Variants in PTH2R observed in about 807,000 individuals in gnomAD.
The protein encoded by PTH2R is PTH2 receptor.
Under a neutral mutation model 60.3 loss-of-function variants are expected in PTH2R, and 59 were observed. That is an observed-to-expected ratio of 0.98 (90% CI 0.79 to 1.22). PTH2R has a LOEUF of 1.22. Among genes scored for constraint, PTH2R ranks in the 50% most tolerant of loss-of-function variants. PTH2R has a pLI of 0.00. For missense variants in PTH2R, 749 were observed against 682.6 expected (o/e 1.10, Z -1.08); for synonymous variants, 256 against 243.8 (o/e 1.05, Z -0.47).
At chr2:208,411,871 A>G (rs895113831) in intron 1 of PTH2R, among the ~76,000 whole-genome samples, 2 of 152,228 alleles carry the variant, frequency 1.3e-5, no homozygotes, top group Non-Finnish European at 2.9e-5. Context: ...AATTAAACAT[A>G]TACAAACAAA....
At chr2:208,360,359 C>G (rs1352223655) in intron 1 of PTH2R, 3 of 307,944 alleles carry the variant, frequency 9.7e-6, no homozygotes, top group East Asian at 8.5e-5. Flanking sequence ...CCCCTCGGGG[C>G]CCCTTCCCTG....
intron 1 of PTH2R, among the ~76,000 whole-genome samples, chr2:208,412,608 A>G (rs1403804915): frequency 6.6e-6 from 1 of 152,216 alleles, no homozygotes; most frequent in Non-Finnish European, 1.5e-5. Context: ...CTGTGTGAGG[A>G]CACTGTACTG....
chr2:208,398,157 C>A (rs1341120026), intron 1 of PTH2R, among the ~76,000 whole-genome samples: 3 of 151,880 alleles, frequency 2.0e-5, no homozygotes, highest in African/African-American at 7.3e-5. Flanking sequence ...AATTTGTCAC[C>A]CTAGGCATTT....
Position 208,443,361 on chromosome 2 carries a change from A to C in PTH2R, c.523A>C (p.Thr175Pro), listed in dbSNP as rs1702224800. 1 of 1,587,814 alleles carries C rather than the reference A, an allele frequency of 6.3e-7. No homozygotes were observed. Among genetic ancestry groups the C allele is most frequent in the East Asian group, 2.3e-5 (1 of 43,928 alleles). The change falls in exon 6 of 13, where the codon ACT (threonine) becomes CCT (proline). Residue 175 changes from threonine (T) to proline (P), a missense_variant. Physicochemically the swap from Thr to Pro is conservative, Grantham distance 38 (BLOSUM62 -1). Transcript: ENST00000272847. ...IIGYFRRLHC[T>P]RNYIHMHLFV... ...TTCTCTCCGTAGACGATTGCATTGC[A>C]CTAGGAACTATATCCACATGCACTT...
intron 10 of PTH2R, among the ~76,000 whole-genome samples, chr2:208,485,731 T>C (rs1272760449): frequency 6.6e-6 from 1 of 152,202 alleles, no homozygotes. Context: ...CATGGGTGTA[T>C]AAGCCTTGTA....
intron 1 of PTH2R, among the ~76,000 whole-genome samples, chr2:208,421,865 T>A (rs543048445): frequency 4.6e-5 from 7 of 152,284 alleles, no homozygotes; most frequent in Admixed American, 2.0e-4. Context: ...AATTCCTTCT[T>A]ATAGACCAGC....
Position 208,396,520 on chromosome 2 carries a change from T to G in PTH2R, c.-258-31681T>G, listed in dbSNP as rs1044299078. Among the ~76,000 whole-genome samples the G allele has an allele frequency of 3.9e-5, 6 of 152,206 alleles. No individual in the cohort carries two copies. In the South Asian group the frequency reaches 1.0e-3, roughly 26 times the overall value. On this transcript the variant is annotated intron_variant, in intron 1 of 12. Transcript: ENST00000617735. ...GTATATGAACAGACACTTCTCAAAATAAGACATTTATGCACCCAACAGACA... is the reference window on the plus strand; with the variant it reads ...GTATATGAACAGACACTTCTCAAAAGAAGACATTTATGCACCCAACAGACA...
At chr2:208,491,091 G>A (rs1233698300) in intron 12 of PTH2R, among the ~76,000 whole-genome samples, 1 of 152,096 alleles carries the variant, frequency 6.6e-6, no homozygotes, top group Non-Finnish European at 1.5e-5. Context: ...GACAATTTTA[G>A]TTCATTTAGG....
In PTH2R at chr2:208,468,834, T is replaced by A. The variant is rs552489711; in HGVS notation, c.981+8873T>A. 4.3e-4 allele frequency among the ~76,000 whole-genome samples: 65 copies of A among 152,302 alleles called. No individual in the cohort carries two copies. The South Asian group carries it at 0.013, about 30-fold the overall frequency. On this transcript the variant is annotated intron_variant, in intron 9 of 12. Transcript: ENST00000272847. ...AAGGTTTATGTAAACAAGAACCATTTTTTTTCTAAACTTATGATACCTAGA... is the reference window on the plus strand; with the variant it reads ...AAGGTTTATGTAAACAAGAACCATTATTTTTCTAAACTTATGATACCTAGA...
At chr2:208,379,559 A>G (rs1048914907) in intron 1 of PTH2R, among the ~76,000 whole-genome samples, 2 of 152,300 alleles carry the variant, frequency 1.3e-5, no homozygotes, top group Admixed American at 6.5e-5. Flanking sequence ...TTAAAAATCC[A>G]TCTTAAAGAG....
chr2:208,392,286 T>C (rs1247197027), intron 1 of PTH2R, among the ~76,000 whole-genome samples: 3 of 152,106 alleles, frequency 2.0e-5, no homozygotes, highest in Non-Finnish European at 4.4e-5. Context: ...ACTCCTAATA[T>C]TGGGGTGTTG....
At position 208,481,053 on chromosome 2, in the gene PTH2R, C is replaced by G; in HGVS notation, c.982-17C>G. On this transcript the variant is annotated splice_polypyrimidine_tract_variant and intron_variant, in intron 9 of 12. Transcript: ENST00000272847. ...AAGACTAACAATAATTCTTTGTAAT[C>G]TTACCTTCTTTTTCAGCTGAATTTT... 2.6e-6 allele frequency: 4 copies of G among 1,515,532 alleles called. No homozygotes were observed. The highest frequency in any genetic ancestry group is 3.6e-6 in the Non-Finnish European group (4 of 1,098,328). The allele number at this position is 1,515,532 out of a possible 1,614,324, so 93.9% of individuals were successfully genotyped here. A position where few individuals can be genotyped will look rare whatever the true frequency, so the allele number is the denominator to read the frequency against.
chr2:208,443,306 T>A (rs1396452818), intron 5 of PTH2R, 42 bp from the exon 6 acceptor site: 2 of 1,475,446 alleles, frequency 1.4e-6, no homozygotes, highest in South Asian at 1.4e-5. Flanking sequence ...CCCCCATTTT[T>A]AATTTTATCC....
At chr2:208,396,976 A>G (rs976258517) in intron 1 of PTH2R, among the ~76,000 whole-genome samples, 1 of 152,218 alleles carries the variant, frequency 6.6e-6, no homozygotes, top group Non-Finnish European at 1.5e-5. Flanking sequence ...CTATGCAGCC[A>G]TAAAAAAGGA....
At chr2:208,395,647 G>A (rs1002285050) in intron 1 of PTH2R, among the ~76,000 whole-genome samples, 4 of 152,308 alleles carry the variant, frequency 2.6e-5, no homozygotes, top group Non-Finnish European at 5.9e-5. Context: ...AGGAAGGAGA[G>A]TTTTGCAACA....
At chr2:208,465,651 C>T (rs1574898618) in intron 9 of PTH2R, among the ~76,000 whole-genome samples, 1 of 152,016 alleles carries the variant, frequency 6.6e-6, no homozygotes, top group African/African-American at 2.4e-5. Flanking sequence ...GATCCGCCCG[C>T]CTCGGCCTCC....
intron 9 of PTH2R, among the ~76,000 whole-genome samples, chr2:208,460,726 T>C (rs1223194607): frequency 2.0e-5 from 3 of 152,210 alleles, no homozygotes; most frequent in Non-Finnish European, 1.5e-5. Flanking sequence ...TTTTGGGTTG[T>C]TGAAGAAATT....
intron 1 of PTH2R, among the ~76,000 whole-genome samples, chr2:208,376,771 C>A (rs148612620): frequency 6.6e-6 from 1 of 152,174 alleles, no homozygotes; most frequent in East Asian, 1.9e-4. Flanking sequence ...GGGCTCTATT[C>A]TCTGCAGCAC....
intron 1 of PTH2R, among the ~76,000 whole-genome samples, chr2:208,395,401 T>C (rs1407065196): frequency 6.6e-6 from 1 of 151,698 alleles, no homozygotes; most frequent in Non-Finnish European, 1.5e-5. Context: ...GAAAAAAAAA[T>C]GTGCCTCATG....
Sources: allele counts gnomAD v4.1 joint callset (sites outside exome capture counted in the v4.1 genomes callset), GRCh38; gene constraint gnomAD v4.1.1; transcripts MANE v1.5; gene names NCBI Gene and HGNC (gene_info 2026-07-23, HGNC 2026-07-21).